Variants in FGF12 observed in about 807,000 individuals in gnomAD.
FGF12 encodes the protein fibroblast growth factor 12.
In FGF12, 14 loss-of-function variants were observed where a neutral mutation model predicts 23.6. The observed-to-expected ratio is 0.59, with a 90% CI of 0.39 to 0.93. FGF12 has a LOEUF of 0.93. Among genes scored for constraint, FGF12 ranks in the 40% least tolerant of loss-of-function variants. The pLI is 0.00. For missense variants in FGF12, 175 were observed against 217.8 expected (o/e 0.80, Z 1.24); for synonymous variants, 62 against 77.3 (o/e 0.80, Z 1.04).
intron 2 of FGF12, among the ~76,000 whole-genome samples, chr3:192,480,337 C>T (rs1186305479): frequency 4.6e-5 from 7 of 152,170 alleles, no homozygotes; most frequent in African/African-American, 1.7e-4. Flanking sequence ...TTGGCACAAT[C>T]ACCTTTAAGT....
intron 2 of FGF12, among the ~76,000 whole-genome samples, chr3:192,695,172 C>T (rs779407537): frequency 2.0e-5 from 3 of 152,086 alleles, no homozygotes; most frequent in Non-Finnish European, 2.9e-5. Flanking sequence ...GCATATTTAT[C>T]TCTGAGTTGA....
At chr3:192,454,110 C>G (rs551821126) in intron 2 of FGF12, among the ~76,000 whole-genome samples, 14 of 152,130 alleles carry the variant, frequency 9.2e-5, no homozygotes, top group African/African-American at 3.4e-4. Context: ...GCAATCTTGG[C>G]TCACTGCAGC....
chr3:192,392,849 T>G (rs73070514), intron 2 of FGF12, among the ~76,000 whole-genome samples: 2,604 of 152,290 alleles, frequency 0.017, 64 homozygotes, highest in African/African-American at 0.06. Flanking sequence ...TACAGTGGTG[T>G]TGGAGTCAGT....
chr3:192,565,261 T>C (rs936525351), intron 2 of FGF12, among the ~76,000 whole-genome samples: 1 of 152,236 alleles, frequency 6.6e-6, no homozygotes, highest in African/African-American at 2.4e-5. Flanking sequence ...TTAAAAGTGA[T>C]AGGTGAAGTT....
intron 3 of FGF12, among the ~76,000 whole-genome samples, chr3:192,337,861 T>C (rs1157923978): frequency 6.6e-6 from 1 of 152,190 alleles, no homozygotes; most frequent in Non-Finnish European, 1.5e-5. Context: ...AGTAATATTT[T>C]TTAGTTTATA....
chr3:192,607,055 G>T (rs1714365934), intron 2 of FGF12, among the ~76,000 whole-genome samples: 1 of 151,986 alleles, frequency 6.6e-6, no homozygotes, highest in Admixed American at 6.6e-5. Context: ...TATCCATTCA[G>T]TCACAATTTT....
At chr3:192,713,456 A>G (rs1304078157) in intron 2 of FGF12, among the ~76,000 whole-genome samples, 1 of 152,200 alleles carries the variant, frequency 6.6e-6, no homozygotes, top group Admixed American at 6.5e-5. Flanking sequence ...GCAAGTAAAA[A>G]CAGAAAAAGA....
At chr3:192,253,784 T>C (rs1712193856) in intron 4 of FGF12, among the ~76,000 whole-genome samples, 1 of 152,110 alleles carries the variant, frequency 6.6e-6, no homozygotes, top group African/African-American at 2.4e-5. Flanking sequence ...ATGAAAATTA[T>C]TCACTTTAGA....
chr3:192,445,893 A>G (rs779024775), intron 2 of FGF12, among the ~76,000 whole-genome samples: 8 of 152,160 alleles, frequency 5.3e-5, no homozygotes, highest in Non-Finnish European at 1.0e-4. Context: ...AGGCACCGTG[A>G]CTGCAGAGTT....
chr3:192,330,103 A>G (rs774413771), intron 4 of FGF12, among the ~76,000 whole-genome samples: 1 of 152,188 alleles, frequency 6.6e-6, no homozygotes. Flanking sequence ...AAGAAATCCC[A>G]TGTTTATGAA....
intron 4 of FGF12, among the ~76,000 whole-genome samples, chr3:192,205,939 T>G (rs1408590719): frequency 6.6e-6 from 1 of 151,966 alleles, no homozygotes; most frequent in Non-Finnish European, 1.5e-5. Flanking sequence ...ACAGAGGAGG[T>G]GTTACTATTG....
intron 2 of FGF12, among the ~76,000 whole-genome samples, chr3:192,462,409 T>A (rs7640741): frequency 6.6e-6 from 1 of 151,840 alleles, no homozygotes; most frequent in South Asian, 2.1e-4. Context: ...GGAAGAGAGA[T>A]CTGAGTTAGT....
intron 2 of FGF12, among the ~76,000 whole-genome samples, chr3:192,567,793 C>CTTTCTTTCTT (rs1553831696): frequency 3.1e-5 from 4 of 129,646 alleles, no homozygotes; most frequent in Non-Finnish European, 6.8e-5. Context: ...TTCTTTCTTT[C>CTTTCTTTCTT]TTTCTTTCTC....
At chr3:192,493,187 G>C (rs1723851249) in intron 2 of FGF12, among the ~76,000 whole-genome samples, 1 of 152,080 alleles carries the variant, frequency 6.6e-6, no homozygotes, top group Non-Finnish European at 1.5e-5. Context: ...TAGGTGCTGA[G>C]ACTGTGTGCC....
intron 4 of FGF12, among the ~76,000 whole-genome samples, chr3:192,240,655 C>A (rs966197251): frequency 3.3e-5 from 5 of 152,144 alleles, no homozygotes; most frequent in Non-Finnish European, 7.4e-5. Context: ...TATTCTGTTC[C>A]TTTTCCAGTC....
chr3:192,625,791 A>T (rs1207605746), intron 2 of FGF12, among the ~76,000 whole-genome samples: 1 of 152,252 alleles, frequency 6.6e-6, no homozygotes, highest in Non-Finnish European at 1.5e-5. Context: ...GGAAAAGGGC[A>T]TGAACAAATA....
In FGF12 at chr3:192,365,571, T is replaced by TA. The variant is rs754260058; in HGVS notation, c.14-5034dup. Among the ~76,000 whole-genome samples, 76 of 151,896 alleles carry TA rather than the reference T, an allele frequency of 5.0e-4. 3 individuals carry two copies. In the East Asian group the frequency reaches 0.013, roughly 25 times the overall value. ...GTACTATCTTCACATCTCTATAAAT[T>TA]AAAAAAAATTCTAAGATAATAATTA... On this transcript the variant is annotated intron_variant, in intron 2 of 5. Coordinates refer to ENST00000445105, the MANE Select transcript of FGF12 (RefSeq NM_004113.6).
At chr3:192,624,430 C>A (rs10937553) in intron 2 of FGF12, among the ~76,000 whole-genome samples, 1 of 151,646 alleles carries the variant, frequency 6.6e-6, no homozygotes, top group Non-Finnish European at 1.5e-5. Flanking sequence ...ATAAACTAGA[C>A]AAGAAGAAGA....
At chr3:192,323,932 A>G (rs969849087) in intron 4 of FGF12, among the ~76,000 whole-genome samples, 1 of 151,938 alleles carries the variant, frequency 6.6e-6, no homozygotes, top group African/African-American at 2.4e-5. Flanking sequence ...CTCTACTAAA[A>G]TACAAAAAAA....
Sources: allele counts gnomAD v4.1 joint callset (sites outside exome capture counted in the v4.1 genomes callset), GRCh38; gene constraint gnomAD v4.1.1; transcripts MANE v1.5; gene names NCBI Gene and HGNC (gene_info 2026-07-23, HGNC 2026-07-21).